Variants in PCDHGB4 observed in about 807,000 individuals in gnomAD.
PCDHGB4 encodes protocadherin gamma-B4.
In PCDHGB4, 38 loss-of-function variants were observed where a neutral mutation model predicts 60.5. The observed-to-expected ratio is 0.63, with a 90% CI of 0.48 to 0.82. The LOEUF is 0.82. Among genes scored for constraint, PCDHGB4 ranks in the 40% least tolerant of loss-of-function variants. The probability of loss-of-function intolerance (pLI) is 0.00; values close to 1 mark genes in which losing one functional copy is unlikely to be tolerated. For missense variants in PCDHGB4, 1,109 were observed against 1,209.6 expected, an observed-to-expected ratio of 0.92 and a Z score of 1.23; for synonymous variants, 456 against 509.7, an observed-to-expected ratio of 0.89 and a Z score of 1.42.
chr5:141,409,129 T>G (rs781711972), intron 1 of PCDHGB4: 5 of 1,613,856 alleles, frequency 3.1e-6, no homozygotes, highest in Non-Finnish European at 4.2e-6. Flanking sequence ...CATTTGATTT[T>G]GAAGATGTAG....
chr5:141,394,451 G>A (rs774912185), intron 1 of PCDHGB4: 1 of 1,614,118 alleles, frequency 6.2e-7, no homozygotes, highest in Non-Finnish European at 8.5e-7. Flanking sequence ...GCAGCAACAT[G>A]TCACTGAGCC....
Position 141,490,369 on chromosome 5 carries a change from C to T in PCDHGB4, c.2398-4438C>T, listed in dbSNP as rs201347968. On this transcript the variant is annotated intron_variant, in intron 1 of 3. Transcript: ENST00000519479. This position sits in a 1 kb window ranked among gnomAD's most constrained non-coding sequence, Gnocchi z 5.4. ...AGTGGGGTTGTTTAATGTGCGAGAC[C>T]GGGACTCAGGTAGAAATGGTGAAGT... The T allele has an allele frequency of 4.0e-5, 64 of 1,614,090 alleles. No individual in the cohort carries two copies. In the Admixed American group the frequency reaches 6.0e-4, roughly 15 times the overall value.
chr5:141,492,859 C>T (rs966216924), intron 1 of PCDHGB4, among the ~76,000 whole-genome samples: 1 of 152,232 alleles, frequency 6.6e-6, no homozygotes, highest in Non-Finnish European at 1.5e-5. Flanking sequence ...CTCGAGCGCC[C>T]TGGCTCTCAA....
At chr5:141,444,358 A>T (rs2098433774) in intron 1 of PCDHGB4, among the ~76,000 whole-genome samples, 1 of 151,436 alleles carries the variant, frequency 6.6e-6, no homozygotes, top group Non-Finnish European at 1.5e-5. Context: ...TTTAGTAGAG[A>T]CGGGGTTTCT....
intron 2 of PCDHGB4, among the ~76,000 whole-genome samples, chr5:141,502,431 G>A (rs998074347): frequency 1.3e-5 from 2 of 151,948 alleles, no homozygotes; most frequent in African/African-American, 4.8e-5. Context: ...TTCTCTGATG[G>A]TTAGATTCAG....
At position 141,390,009 on chromosome 5, in the gene PCDHGB4, A is replaced by G. The variant is rs200734314; in HGVS notation, c.2125A>G (p.Ile709Val). The G allele has an allele frequency of 4.0e-3, 6,510 of 1,613,890 alleles. 27 individuals carry two copies. Among genetic ancestry groups the G allele is most frequent in the Non-Finnish European group, 4.8e-3 (5,639 of 1,179,872 alleles). Reference protein sequence around the residue: ...VLFLVAMILAIALRLRRSSSP... With the variant: ...VLFLVAMILAVALRLRRSSSP... ...CTTCCTCGTGGCCATGATTCTGGCCATTGCCTTGCGCCTGCGACGCTCCTC... is the reference window on the plus strand; with the variant it reads ...CTTCCTCGTGGCCATGATTCTGGCCGTTGCCTTGCGCCTGCGACGCTCCTC... The change falls in exon 1 of 4, where the codon ATT becomes GTT. Residue 709 changes from isoleucine (I) to valine (V), a missense_variant. Coordinates refer to ENST00000519479, the MANE Select transcript of PCDHGB4 (RefSeq NM_003736.4).
Position 141,389,896 on chromosome 5 carries a change from C to G in PCDHGB4, c.2012C>G (p.Pro671Arg). ...VFADSLQEVLPDITDRPDPSD... is the reference protein window; with the variant it reads ...VFADSLQEVLRDITDRPDPSD... The stretch of plus-strand genomic sequence containing the variant: ...GCCGACAGCTTGCAGGAGGTGCTGC[C>G]GGATATCACTGACCGCCCCGACCCC... The change falls in exon 1 of 4, where the codon CCG (proline) becomes CGG (arginine). Residue 671 changes from proline to arginine, a missense_variant. This residue lies in a region of PCDHGB4 where 1,068 missense variants were observed against 1,089.9 expected (regional missense o/e 0.98). Coordinates refer to ENST00000519479, the MANE Select transcript of PCDHGB4 (RefSeq NM_003736.4). The G allele has an allele frequency of 5.0e-6, 8 of 1,614,078 alleles. No individual in the cohort carries two copies. The highest frequency in any genetic ancestry group is 6.8e-6 in the Non-Finnish European group (8 of 1,179,916).
intron 1 of PCDHGB4, chr5:141,417,570 T>A: frequency 2.7e-6 from 1 of 373,028 alleles, no homozygotes; most frequent in Non-Finnish European, 4.7e-6. Context: ...AAAAGTCAAG[T>A]TGCAGTCCCA....
chr5:141,476,584 C>T lies in PCDHGB4; in HGVS notation c.2398-18223C>T. 6.2e-7 allele frequency: 1 copy of T among 1,614,218 alleles called. No individual in the cohort carries two copies. The highest frequency in any genetic ancestry group is 8.5e-7 in the Non-Finnish European group (1 of 1,180,042). ...TGGCTCCGGGGACGCGCTTTCCGCTCGAGAGCGCGCACGATCCCGATGTGG... is the reference window on the plus strand; with the variant it reads ...TGGCTCCGGGGACGCGCTTTCCGCTTGAGAGCGCGCACGATCCCGATGTGG... On this transcript the variant is annotated intron_variant, in intron 1 of 3. Coordinates refer to ENST00000519479, the MANE Select transcript of PCDHGB4 (RefSeq NM_003736.4). The surrounding 1 kb of genome is among the most constrained non-coding windows in gnomAD (Gnocchi z 7.6).
intron 2 of PCDHGB4, among the ~76,000 whole-genome samples, chr5:141,501,136 G>A (rs909142955): frequency 6.6e-6 from 1 of 152,090 alleles, no homozygotes; most frequent in Non-Finnish European, 1.5e-5. Context: ...CTAAGTGCTG[G>A]GATTACAGGT....
At chr5:141,392,691 AC>A in intron 1 of PCDHGB4, 1 of 1,132,688 alleles carries the variant, frequency 8.8e-7, no homozygotes, top group Non-Finnish European at 1.2e-6. Context: ...GCGAAACCCG[AC>A]CCCTGTTTGG....
rs1386791249 is a variant in PCDHGB4 at position 141,511,417 on chromosome 5, G to A, written c.*244G>A. 1.2e-6 allele frequency: 1 copy of A among 835,942 alleles called. No homozygotes were observed. Among genetic ancestry groups the A allele is most frequent in the African/African-American group, 1.7e-5 (1 of 58,154 alleles). The allele number at this position is 835,942 out of a possible 1,614,324, so 51.8% of individuals were successfully genotyped here. A position where few individuals can be genotyped will look rare whatever the true frequency, so the allele number is the denominator to read the frequency against. The stretch of plus-strand genomic sequence containing the variant: ...CCATCCAATCAACTGCTGTACCCAT[G>A]GGGGTAGTGGGGTTACTGTAGACAC... On this transcript the variant is annotated 3_prime_UTR_variant, in exon 4 of 4. Transcript: ENST00000519479.
At chr5:141,492,512 T>A (rs2099741406) in intron 1 of PCDHGB4, among the ~76,000 whole-genome samples, 1 of 152,116 alleles carries the variant, frequency 6.6e-6, no homozygotes, top group Admixed American at 6.5e-5. Flanking sequence ...GAGCCTCCTC[T>A]CACCTCTCCC....
chr5:141,394,821 G>C (rs2093106496), intron 1 of PCDHGB4: 4 of 1,613,862 alleles, frequency 2.5e-6, no homozygotes, highest in Middle Eastern at 1.6e-4. Flanking sequence ...CAGCATCCCC[G>C]AAGTCCTGAC....
chr5:141,414,946 C>T, intron 1 of PCDHGB4: 1 of 1,614,102 alleles, frequency 6.2e-7, no homozygotes, highest in East Asian at 2.2e-5. Context: ...GCCCGGCTAC[C>T]TGGTGACCAA....
intron 1 of PCDHGB4, chr5:141,410,252 C>T (rs3749768): frequency 0.048 from 77,060 of 1,613,996 alleles, 2,017 homozygotes; most frequent in South Asian, 0.077. Flanking sequence ...ACTCTCTGAC[C>T]CCCAGGCTGA....
chr5:141,441,772 TG>T, intron 1 of PCDHGB4: 1 of 388,268 alleles, frequency 2.6e-6, no homozygotes, highest in South Asian at 2.0e-5. Flanking sequence ...CGCGTGTTGG[TG>T]GACGACCTGA....
At chr5:141,393,722 A>T in intron 1 of PCDHGB4, 1 of 1,613,892 alleles carries the variant, frequency 6.2e-7, no homozygotes, top group Non-Finnish European at 8.5e-7. Context: ...AAATATCAAT[A>T]GCAAAAAGTC....
chr5:141,453,201 C>T (rs115660512), intron 1 of PCDHGB4, among the ~76,000 whole-genome samples: 2,052 of 152,204 alleles, frequency 0.013, 46 homozygotes, highest in African/African-American at 0.048. Flanking sequence ...GCAGCCTCAA[C>T]CTCGTGCACT....
Sources: gnomAD v4.1 joint callset for allele counts (sites outside exome capture counted in the v4.1 genomes callset) on GRCh38, gnomAD v4.1.1 for gene constraint, gnomAD v4.1.1 regional missense constraint, Gnocchi (gnomAD v3.1) non-coding constraint, MANE v1.5 for transcripts, NCBI Gene and HGNC (gene_info 2026-07-23, HGNC 2026-07-21) for gene names.